KANSL3: variants seen among roughly 807,000 people sequenced by gnomAD.
KANSL3 encodes the protein KAT8 regulatory NSL complex subunit 3.
KANSL3 carries 16 observed loss-of-function variants against 89.2 expected under a neutral mutation model. The observed-to-expected ratio is 0.18, with a 90% CI of 0.12 to 0.27. The LOEUF is 0.27. Among genes scored for constraint, KANSL3 ranks in the 10% least tolerant of loss-of-function variants. KANSL3 has a pLI of 1.00. For missense variants in KANSL3, 879 were observed against 1,110.6 expected, an observed-to-expected ratio of 0.79 and a Z score of 2.96; for synonymous variants, 385 against 419.7, an observed-to-expected ratio of 0.92 and a Z score of 1.01.
intron 20 of KANSL3, among the ~76,000 whole-genome samples, chr2:96,600,170 A>C (rs2066979263): frequency 6.6e-6 from 1 of 152,210 alleles, no homozygotes; most frequent in African/African-American, 2.4e-5. Flanking sequence ...ATGATTTATA[A>C]AAAAAGGCAA....
At chr2:96,590,104 C>A (rs948038443), downstream of KANSL3, among the ~76,000 whole-genome samples, 4 of 151,932 alleles carry the variant, frequency 2.6e-5, no homozygotes, top group Admixed American at 2.0e-4. Context: ...TTGCAGTGAG[C>A]CAAGATTGCG....
At chr2:96,608,362 T>C (rs919685138) in intron 14 of KANSL3, 146 bp downstream of exon 14, 5 of 720,696 alleles carry the variant, frequency 6.9e-6, no homozygotes, top group Non-Finnish European at 1.1e-5. Context: ...ATAATTAATT[T>C]TGAATTTTGC....
At chr2:96,600,297 T>C (rs2066997430) in intron 20 of KANSL3, 2 of 386,988 alleles carry the variant, frequency 5.2e-6, no homozygotes, top group Non-Finnish European at 7.1e-6. Flanking sequence ...ACAGTGAACA[T>C]CATCTCTAGG....
chr2:96,607,233 C>T (rs2068125428), intron 14 of KANSL3, among the ~76,000 whole-genome samples: 1 of 152,204 alleles, frequency 6.6e-6, no homozygotes, highest in South Asian at 2.1e-4. Context: ...TACTATCTGC[C>T]TCATGGGGCC....
intron 3 of KANSL3, chr2:96,627,884 A>G (rs1457695787): frequency 7.8e-7 from 1 of 1,286,218 alleles, no homozygotes; most frequent in African/African-American, 1.5e-5. Flanking sequence ...ATAAGTTATC[A>G]TAAATAATAA....
At chr2:96,595,663 A>G (rs1161122427) in intron 20 of KANSL3, 32 bp from the exon 21 acceptor site, 3 of 1,612,924 alleles carry the variant, frequency 1.9e-6, no homozygotes, top group Non-Finnish European at 2.5e-6. Flanking sequence ...AGAAGGGTCA[A>G]AGCTTTGACA....
intron 3 of KANSL3, among the ~76,000 whole-genome samples, chr2:96,620,735 C>T (rs1483641800): frequency 6.6e-5 from 10 of 152,148 alleles, no homozygotes; most frequent in Non-Finnish European, 5.9e-5. Flanking sequence ...AGGCGCAGTG[C>T]TTCACGCCTA....
the KANSL3 span, among the ~76,000 whole-genome samples, chr2:96,580,846 G>A: frequency 1.1e-4 from 17 of 152,220 alleles, no homozygotes; most frequent in African/African-American, 3.6e-4. Flanking sequence ...CTGCATTCCA[G>A]TAACCAGGAT....
chr2:96,615,666 C>A, intron 5 of KANSL3: 1 of 389,212 alleles, frequency 2.6e-6, no homozygotes, highest in Non-Finnish European at 4.9e-6. Flanking sequence ...CCAAAAATAG[C>A]AGAAGATAAG....
chr2:96,585,079 TAA>T, the KANSL3 span, among the ~76,000 whole-genome samples: 1 of 152,114 alleles, frequency 6.6e-6, no homozygotes, highest in African/African-American at 2.4e-5. Context: ...TTGGCTTAGG[TAA>T]AGAGTTAATG....
At chr2:96,601,464 T>C (rs2067174109) in intron 20 of KANSL3, 179 bp downstream of exon 20, 1 of 1,373,806 alleles carries the variant, frequency 7.3e-7, no homozygotes, top group South Asian at 1.8e-5. Context: ...AAGAGGAAGC[T>C]CAAAGATGTC....
intron 5 of KANSL3, among the ~76,000 whole-genome samples, chr2:96,617,319 A>T (rs2070352217): frequency 6.6e-6 from 1 of 152,200 alleles, no homozygotes; most frequent in South Asian, 2.1e-4. Context: ...AATAAGTATT[A>T]GTTAAACAAA....
intron 18 of KANSL3, 78 bp downstream of exon 18, chr2:96,602,675 G>T: frequency 8.6e-7 from 1 of 1,166,354 alleles, no homozygotes; most frequent in Non-Finnish European, 1.2e-6. Context: ...TCCAGACCTA[G>T]TTTCCCTGCC....
chr2:96,617,508 T>TA (rs946652662), intron 5 of KANSL3, among the ~76,000 whole-genome samples: 4 of 150,860 alleles, frequency 2.7e-5, no homozygotes, highest in Admixed American at 6.6e-5. Context: ...CCAGGCAACT[T>TA]ACAGCAGCAA....
chr2:96,637,302 A>G (rs2074375957), intron 1 of KANSL3, 117 bp from the exon 2 acceptor site: 5 of 555,326 alleles, frequency 9.0e-6, no homozygotes, highest in Non-Finnish European at 1.6e-5. Context: ...TATCCATTTC[A>G]CGGCAGACCT....
chr2:96,610,960 T>A, intron 10 of KANSL3, 77 bp from the exon 11 acceptor site: 1 of 1,588,418 alleles, frequency 6.3e-7, no homozygotes, highest in Non-Finnish European at 8.6e-7. Flanking sequence ...CTAAGGAGGA[T>A]CAGCCATGCA....
intron 14 of KANSL3, chr2:96,607,137 G>T: frequency 2.8e-6 from 2 of 712,038 alleles, no homozygotes; most frequent in Non-Finnish European, 4.2e-6. Flanking sequence ...GTAGAAAATG[G>T]CCAATAGGGG....
intron 12 of KANSL3, among the ~76,000 whole-genome samples, 157 bp from the exon 13 acceptor site, chr2:96,609,221 C>G (rs1262503265): frequency 2.6e-5 from 4 of 152,356 alleles, no homozygotes; most frequent in South Asian, 4.1e-4. Flanking sequence ...AAATCCCAGG[C>G]TTCTGAGCAA....
chr2:96,592,217 G>A (rs779517971), downstream of KANSL3, among the ~76,000 whole-genome samples: 8 of 152,238 alleles, frequency 5.3e-5, no homozygotes, highest in South Asian at 1.7e-3. Context: ...ACTCCAAGCA[G>A]CATACCAGAA....
Sources: gnomAD v4.1 joint callset for allele counts (sites outside exome capture counted in the v4.1 genomes callset) on GRCh38, gnomAD v4.1.1 for gene constraint, MANE v1.5 for transcripts, NCBI Gene and HGNC (gene_info 2026-07-23, HGNC 2026-07-21) for gene names.